BCAS1: variants seen among roughly 807,000 people sequenced by gnomAD.
BCAS1 encodes brain enriched myelin associated protein 1, also known as breast carcinoma-amplified sequence 1.
A neutral mutation model predicts 65.4 loss-of-function variants in BCAS1; 46 were observed. The ratio of observed to expected loss-of-function variants is 0.70; its 90% CI spans 0.55 to 0.90. BCAS1 has a LOEUF of 0.90. Among genes scored for constraint, BCAS1 ranks in the 40% least tolerant of loss-of-function variants. The probability of loss-of-function intolerance (pLI) is 0.00; values close to 1 mark genes in which losing one functional copy is unlikely to be tolerated. For synonymous variants in BCAS1, 298 were observed against 293.5 expected (o/e 1.02, Z -0.16); for missense variants, 793 against 771.2 (o/e 1.03, Z -0.33).
Position 54,034,389 on chromosome 20 carries a change from G to C in BCAS1, c.143-5417C>G, listed in dbSNP as rs865856486. On this transcript the variant is annotated intron_variant, in intron 3 of 12. Transcript: ENST00000688948. Reference sequence around the variant, plus strand: ...GACATTATATCTAGAAAACCCCATAGTCTCAGCCCCAAAGCTTCTTAAGCT... The same window carrying C: ...GACATTATATCTAGAAAACCCCATACTCTCAGCCCCAAAGCTTCTTAAGCT... Among the ~76,000 whole-genome samples, 27 of 151,318 alleles carry C rather than the reference G, an allele frequency of 1.8e-4. 1 individual carries two copies. The highest frequency in any genetic ancestry group is 3.3e-4 in the Admixed American group (5 of 15,136).
At chr20:54,002,765 G>T (rs1476950946) in intron 4 of BCAS1, among the ~76,000 whole-genome samples, 1 of 152,176 alleles carries the variant, frequency 6.6e-6, no homozygotes, top group Non-Finnish European at 1.5e-5. Context: ...GAATGTCAAT[G>T]ATCAATCTCT....
At chr20:54,018,527 G>A (rs1196518957) in intron 4 of BCAS1, among the ~76,000 whole-genome samples, 4 of 151,770 alleles carry the variant, frequency 2.6e-5, no homozygotes, top group Non-Finnish European at 4.4e-5. Context: ...TAGTAGAGAC[G>A]GGGTTTCATT....
chr20:54,038,126 C>T (rs1384821974), intron 3 of BCAS1, among the ~76,000 whole-genome samples: 2 of 151,354 alleles, frequency 1.3e-5, no homozygotes, highest in Non-Finnish European at 3.0e-5. Flanking sequence ...CACCTCTCAA[C>T]ATACCAACAT....
At chr20:53,976,351 A>G (rs1251637691) in intron 8 of BCAS1, among the ~76,000 whole-genome samples, 4 of 152,216 alleles carry the variant, frequency 2.6e-5, no homozygotes. Flanking sequence ...CAGGATTCAT[A>G]GACCTTCTAT....
intron 3 of BCAS1, among the ~76,000 whole-genome samples, chr20:54,055,301 A>T (rs1286490887): frequency 6.6e-6 from 1 of 152,232 alleles, no homozygotes. Flanking sequence ...TGATAAAGAC[A>T]TATCTGAGAC....
intron 6 of BCAS1, 46 bp from the exon 7 acceptor site, chr20:53,992,692 A>G: frequency 7.3e-7 from 1 of 1,361,152 alleles, no homozygotes; most frequent in Non-Finnish European, 9.8e-7. Flanking sequence ...GTTTTTGAAC[A>G]AAATTCTTTT....
chr20:54,052,344 G>A (rs1461720210), intron 3 of BCAS1, among the ~76,000 whole-genome samples: 1 of 152,114 alleles, frequency 6.6e-6, no homozygotes, highest in African/African-American at 2.4e-5. Context: ...TATATAAGTG[G>A]AATCATGTAG....
intron 4 of BCAS1, among the ~76,000 whole-genome samples, chr20:54,022,986 T>C (rs942157229): frequency 6.6e-6 from 1 of 152,228 alleles, no homozygotes; most frequent in Non-Finnish European, 1.5e-5. Context: ...TAATGTAAGA[T>C]GGATTTTCCC....
chr20:54,061,421 G>A lies in BCAS1; in HGVS notation c.-5-2698C>T, dbSNP rs1200484175. 2.6e-5 allele frequency among the ~76,000 whole-genome samples: 4 copies of A among 152,314 alleles called. No individual in the cohort carries two copies. In the East Asian group the frequency reaches 7.7e-4, roughly 29 times the overall value. On this transcript the variant is annotated intron_variant, in intron 1 of 12. Transcript: ENST00000688948. Reference sequence around the variant, plus strand: ...TGCCACCTAAAGTTCTTTTGCACATGTAATTCCAATGTAGCCCATCTCCAA... The same window carrying A: ...TGCCACCTAAAGTTCTTTTGCACATATAATTCCAATGTAGCCCATCTCCAA...
At position 53,995,060 on chromosome 20, in the gene BCAS1, A is replaced by G. The variant is rs1432388208; in HGVS notation, c.883-4T>C. The G allele has an allele frequency of 6.2e-7, 1 of 1,612,474 alleles. No homozygotes were observed. The highest frequency in any genetic ancestry group is 2.2e-5 in the East Asian group (1 of 44,826). On this transcript the variant is annotated splice_polypyrimidine_tract_variant and splice_region_variant and intron_variant, in intron 5 of 12. Transcript: ENST00000688948. Reference sequence around the variant, plus strand: ...TTTCAGCTTTGTTAGGTGAAACCTTAAAAGTTTGAGAAAGCCAAATATTAG... The same window carrying G: ...TTTCAGCTTTGTTAGGTGAAACCTTGAAAGTTTGAGAAAGCCAAATATTAG...
chr20:53,988,306 A>G (rs891527383), intron 7 of BCAS1, among the ~76,000 whole-genome samples: 1 of 152,170 alleles, frequency 6.6e-6, no homozygotes, highest in African/African-American at 2.4e-5. Flanking sequence ...TACCTAATGC[A>G]TTACATACTT....
At chr20:54,058,813 G>A (rs1443932065) in intron 1 of BCAS1, 90 bp from the exon 2 acceptor site, 15 of 1,427,994 alleles carry the variant, frequency 1.1e-5, no homozygotes, top group South Asian at 2.5e-5. Flanking sequence ...CTGACAAGCC[G>A]CCCATGGCTG....
Position 54,047,997 on chromosome 20 carries a change from T to C in BCAS1, c.142+10088A>G, listed in dbSNP as rs184439358. Among the ~76,000 whole-genome samples, 7 of 152,314 alleles carry C rather than the reference T, an allele frequency of 4.6e-5. No homozygotes were observed. The East Asian group carries it at 1.4e-3, about 29-fold the overall frequency. On this transcript the variant is annotated intron_variant, in intron 3 of 12. Coordinates refer to ENST00000688948, the MANE Select transcript of BCAS1 (RefSeq NM_001366298.2). ...CATAGCTGAAGTGCAGTTACATCCATAGTTGAGCATAGAAAGTTGTGGGTT... is the reference window on the plus strand; with the variant it reads ...CATAGCTGAAGTGCAGTTACATCCACAGTTGAGCATAGAAAGTTGTGGGTT...
intron 4 of BCAS1, among the ~76,000 whole-genome samples, chr20:53,998,948 CAG>C (rs1449908092): frequency 6.6e-6 from 1 of 152,122 alleles, no homozygotes; most frequent in Non-Finnish European, 1.5e-5. Flanking sequence ...AAATGAGGCT[CAG>C]AGAGTTTAGG....
rs147099594 is a variant in BCAS1 at position 54,047,630 on chromosome 20, A to G, written c.142+10455T>C. 1.8e-3 allele frequency among the ~76,000 whole-genome samples: 279 copies of G among 152,326 alleles called. 1 individual carries two copies. The highest frequency in any genetic ancestry group is 6.6e-3 in the African/African-American group (273 of 41,572). ...TGTTATTACTTTAGACTCAGTGGTG[A>G]TACAGTGCAATGGAGGGAAAGAAGA... is the stretch of plus-strand genomic sequence containing the variant. On this transcript the variant is annotated intron_variant, in intron 3 of 12. Coordinates refer to ENST00000688948, the MANE Select transcript of BCAS1 (RefSeq NM_001366298.2).
rs185407827 is a variant in BCAS1 at position 54,011,541 on chromosome 20, A to G, written c.724-15491T>C. Reference sequence around the variant, plus strand: ...GTGCAAATTAAAACCATAACGAGACATCACTATGCACCCATCAAAGTGGTT... The same window carrying G: ...GTGCAAATTAAAACCATAACGAGACGTCACTATGCACCCATCAAAGTGGTT... On this transcript the variant is annotated intron_variant, in intron 4 of 12. Transcript: ENST00000688948. Among the ~76,000 whole-genome samples, 390 of 152,346 alleles carry G rather than the reference A, an allele frequency of 2.6e-3. 2 individuals are homozygous for G. Among genetic ancestry groups the G allele is most frequent in the African/African-American group, 9.2e-3 (383 of 41,578 alleles).
intron 3 of BCAS1, among the ~76,000 whole-genome samples, chr20:54,052,311 C>T (rs1401218643): frequency 6.6e-6 from 1 of 152,180 alleles, no homozygotes; most frequent in Non-Finnish European, 1.5e-5. Flanking sequence ...TCTGTCACTA[C>T]ATTTGTGCCC....
intron 4 of BCAS1, among the ~76,000 whole-genome samples, chr20:54,015,443 A>T (rs186768593): frequency 4.6e-5 from 7 of 152,078 alleles, no homozygotes; most frequent in Admixed American, 2.6e-4. Flanking sequence ...CACTACTCCT[A>T]CCCAATTCAC....
intron 1 of BCAS1, among the ~76,000 whole-genome samples, chr20:54,063,920 T>C (rs1248768638): frequency 6.6e-6 from 1 of 152,248 alleles, no homozygotes; most frequent in African/African-American, 2.4e-5. Flanking sequence ...TGCCCTTTCT[T>C]TCATGAACTG....
Sources: gnomAD v4.1 joint callset for allele counts (sites outside exome capture counted in the v4.1 genomes callset) on GRCh38, gnomAD v4.1.1 for gene constraint, MANE v1.5 for transcripts, NCBI Gene and HGNC (gene_info 2026-07-23, HGNC 2026-07-21) for gene names.